TRIM9: variants seen among roughly 807,000 people sequenced by gnomAD.
The protein encoded by TRIM9 is tripartite motif containing 9.
In TRIM9, 26 loss-of-function variants were observed where a neutral mutation model predicts 78.3. That is an observed-to-expected ratio of 0.33 (90% confidence interval 0.24 to 0.46). TRIM9 has a LOEUF of 0.46. Among genes scored for constraint, TRIM9 ranks in the 20% least tolerant of loss-of-function variants. The probability of loss-of-function intolerance (pLI) is 1.00; values close to 1 mark genes in which losing one functional copy is unlikely to be tolerated. For missense variants in TRIM9, 787 were observed against 1,036.4 expected (o/e 0.76, Z 3.30); for synonymous variants, 398 against 416.5 (o/e 0.96, Z 0.54).
chr14:50,989,640 C>T (rs1281691583), intron 7 of TRIM9, among the ~76,000 whole-genome samples: 3 of 152,168 alleles, frequency 2.0e-5, no homozygotes, highest in Admixed American at 6.5e-5. Context: ...CGTGTGGTTG[C>T]AGAGCTTTGC....
rs758344911 is a variant in TRIM9, at chr14:50,982,011, G to C, written c.1951C>G (p.Arg651Gly). The C allele has an allele frequency of 6.2e-7, 1 of 1,614,120 alleles. No individual in the cohort carries two copies. The highest frequency in any genetic ancestry group is 1.1e-5 in the South Asian group (1 of 91,076). Residue 651 changes from arginine (R) to glycine (G), a missense_variant, in exon 11 of 13, where the codon CGG becomes GGG. Arg to Gly is a moderately radical substitution (Grantham distance 125). Transcript: ENST00000684578. ...AAGCCAGTCTTCCCTAGCACCACCC[G>C]GTCATCATAGCTACTACAGGTCACT... The part of the protein sequence containing the change: ...LTVTCSSYDD[R>G]VVLGKTGFSK...
At chr14:51,011,910 C>A (rs531936946) in intron 3 of TRIM9, among the ~76,000 whole-genome samples, 4 of 152,330 alleles carry the variant, frequency 2.6e-5, no homozygotes, top group Admixed American at 1.3e-4. Context: ...CATGTTGCCA[C>A]AACCAATGGT....
At chr14:51,001,091 T>C (rs900045345) in intron 5 of TRIM9, among the ~76,000 whole-genome samples, 2 of 152,130 alleles carry the variant, frequency 1.3e-5, no homozygotes, top group African/African-American at 4.8e-5. Flanking sequence ...GACAGGCAGA[T>C]TCACAGAACT....
At chr14:51,056,778 T>G (rs1157760187) in intron 1 of TRIM9, among the ~76,000 whole-genome samples, 1 of 152,258 alleles carries the variant, frequency 6.6e-6, no homozygotes, top group African/African-American at 2.4e-5. Flanking sequence ...ACAGTTTTTC[T>G]TCTTATATCT....
At chr14:50,982,140 GACCCA>G in intron 10 of TRIM9, 37 bp from the exon 11 acceptor site, 1 of 1,604,918 alleles carries the variant, frequency 6.2e-7, no homozygotes. Context: ...TATTAAGACA[GACCCA>G]ACAAGCTCAG....
rs144245452 is a variant in TRIM9 at position 51,075,000 on chromosome 14, C to T, written c.822+19118G>A. 2.7e-3 allele frequency among the ~76,000 whole-genome samples: 409 copies of T among 152,298 alleles called. 3 individuals are homozygous for T. The highest frequency in any genetic ancestry group is 9.4e-3 in the African/African-American group (389 of 41,562). ...TCACAAAGGCACAAGCAACAGGCAGCGGACATTTTTATCCAAAGAGACTCT... is the reference window on the plus strand; with the variant it reads ...TCACAAAGGCACAAGCAACAGGCAGTGGACATTTTTATCCAAAGAGACTCT... On this transcript the variant is annotated intron_variant, in intron 1 of 12. Transcript: ENST00000684578.
At chr14:50,978,134 C>G (rs910090066) in intron 12 of TRIM9, among the ~76,000 whole-genome samples, 55 of 152,034 alleles carry the variant, frequency 3.6e-4, no homozygotes, top group Admixed American at 3.6e-3. Context: ...TCTAGAAAAC[C>G]CCATCTCCTT....
chr14:51,049,569 T>C (rs2060225218), intron 1 of TRIM9, among the ~76,000 whole-genome samples: 1 of 152,170 alleles, frequency 6.6e-6, no homozygotes. Flanking sequence ...GGCTCATGCC[T>C]GTAATCCCAG....
chr14:51,064,909 T>C (rs1187012389), intron 1 of TRIM9, among the ~76,000 whole-genome samples: 1 of 152,120 alleles, frequency 6.6e-6, no homozygotes, highest in Non-Finnish European at 1.5e-5. Flanking sequence ...TTGAAATCAT[T>C]ATAAATCATA....
At chr14:51,066,087 A>AGGAG (rs1160057754) in intron 1 of TRIM9, among the ~76,000 whole-genome samples, 144 of 72,422 alleles carry the variant, frequency 2.0e-3, no homozygotes, top group Non-Finnish European at 2.9e-3. Flanking sequence ...GAAGGAAGGA[A>AGGAG]GGAGGGAGGG....
intron 1 of TRIM9, among the ~76,000 whole-genome samples, chr14:51,071,375 TAAAAAAA>T (rs1175081728): frequency 2.9e-4 from 14 of 48,508 alleles, no homozygotes; most frequent in Non-Finnish European, 4.5e-4. Flanking sequence ...AAACTCCGTC[TAAAAAAA>T]AAAAGAAAAA....
intron 1 of TRIM9, among the ~76,000 whole-genome samples, chr14:51,045,856 A>G (rs1259725572): frequency 1.3e-5 from 2 of 152,206 alleles, no homozygotes; most frequent in African/African-American, 4.8e-5. Flanking sequence ...AAGCAACAGT[A>G]TGCGCAAGGA....
intron 1 of TRIM9, among the ~76,000 whole-genome samples, chr14:51,071,624 G>A (rs1396036506): frequency 6.6e-6 from 1 of 151,704 alleles, no homozygotes; most frequent in Non-Finnish European, 1.5e-5. Flanking sequence ...GCAACACAGT[G>A]AGACTTTGTC....
intron 3 of TRIM9, among the ~76,000 whole-genome samples, chr14:51,012,916 G>A (rs1470610349): frequency 1.3e-5 from 2 of 152,108 alleles, no homozygotes; most frequent in African/African-American, 2.4e-5. Context: ...TTGAGTTGTA[G>A]GAGTTCTTTA....
At chr14:50,979,628 G>C in intron 11 of TRIM9, 79 bp from the exon 12 acceptor site, 1 of 1,230,260 alleles carries the variant, frequency 8.1e-7, no homozygotes, top group Non-Finnish European at 1.2e-6. Flanking sequence ...GGTGAAACCA[G>C]TGTCTTGCAA....
At chr14:50,982,240 G>T in intron 10 of TRIM9, 137 bp from the exon 11 acceptor site, 3 of 912,342 alleles carry the variant, frequency 3.3e-6, no homozygotes, top group South Asian at 3.3e-5. Context: ...CAGGGCCAGG[G>T]CAGACAGGGG....
In TRIM9 at chr14:50,983,440, C is replaced by A. The variant is rs192623460; in HGVS notation, c.1793-19G>T. ...TTGCATCCTATAAAGAGATACTACA[C>A]ATCAACGCTATGAAACAACAACCAG... On this transcript the variant is annotated intron_variant, in intron 8 of 12. Coordinates refer to ENST00000684578, the MANE Select transcript of TRIM9 (RefSeq NM_001387360.1). 749 of 1,526,216 alleles carry A rather than the reference C, an allele frequency of 4.9e-4. 6 individuals are homozygous for A. In the African/African-American group the frequency reaches 9.4e-3, roughly 19 times the overall value. 94.5% of individuals were successfully genotyped at this position (1,526,216 alleles called of 1,614,324 possible).
rs191988666 is a variant in TRIM9, at chr14:51,022,735, C to T, written c.1041+100G>A. On this transcript the variant is annotated intron_variant, in intron 3 of 12. Transcript: ENST00000684578. The stretch of plus-strand genomic sequence containing the variant: ...GGCTACCCAAGGCTGTGGGCATCCT[C>T]TCCTCCTGTCCATGGGAAGGAATTC... 2.6e-4 allele frequency: 406 copies of T among 1,544,158 alleles called. No homozygotes were observed. In the East Asian group the frequency reaches 6.7e-3, roughly 26 times the overall value.
chr14:51,091,742 G>GA (rs2064350665), intron 1 of TRIM9, among the ~76,000 whole-genome samples: 1 of 152,010 alleles, frequency 6.6e-6, no homozygotes, highest in African/African-American at 2.4e-5. Context: ...TACTGTTTTG[G>GA]AAAAAATGTG....
Sources: gnomAD v4.1 joint callset for allele counts (sites outside exome capture counted in the v4.1 genomes callset) on GRCh38, gnomAD v4.1.1 for gene constraint, MANE v1.5 for transcripts, NCBI Gene and HGNC (gene_info 2026-07-23, HGNC 2026-07-21) for gene names.